PRKDC: variants seen among roughly 807,000 people sequenced by gnomAD.
The protein encoded by PRKDC is protein kinase, DNA-activated, catalytic subunit, also known as DNA-dependent protein kinase catalytic subunit.
PRKDC carries 82 observed loss-of-function variants against 486.9 expected under a neutral mutation model. The ratio of observed to expected loss-of-function variants is 0.17; its 90% CI spans 0.14 to 0.20. The LOEUF (loss-of-function observed/expected upper bound fraction) is 0.20. Ranked by LOEUF, PRKDC falls within the 10% of genes least tolerant of loss-of-function variation. PRKDC has a pLI of 1.00. For synonymous variants in PRKDC, 1,895 were observed against 1,837.0 expected (o/e 1.03, Z -0.81); for missense variants, 4,504 against 5,038.2 (o/e 0.89, Z 3.21).
At chr8:47,914,796 A>G (rs1180447718) in intron 23 of PRKDC, among the ~76,000 whole-genome samples, 1 of 150,858 alleles carries the variant, frequency 6.6e-6, no homozygotes, top group Non-Finnish European at 1.5e-5. Flanking sequence ...GCGAGGGGAA[A>G]AAAAAAAAAA....
At chr8:47,825,061 A>C (rs185940045) in intron 63 of PRKDC, among the ~76,000 whole-genome samples, 197 of 152,284 alleles carry the variant, frequency 1.3e-3, no homozygotes, top group Non-Finnish European at 1.6e-3. Flanking sequence ...AATCAGCAGT[A>C]AAGGTGGGTG....
intron 21 of PRKDC, among the ~76,000 whole-genome samples, chr8:47,924,995 C>A (rs1437239700): frequency 6.6e-6 from 1 of 152,196 alleles, no homozygotes; most frequent in East Asian, 1.9e-4. Flanking sequence ...CCTGCCTGCA[C>A]CCCAACATCC....
Position 47,776,847 on chromosome 8 carries a change from G to A in PRKDC, c.12179C>T (p.Thr4060Ile). The change falls in exon 85 of 86, where the codon ACT (threonine) becomes ATT (isoleucine). Residue 4060 changes from threonine (T) to isoleucine (I), a missense_variant. Transcript: ENST00000314191. Reference sequence around the variant, plus strand: ...TTTCCACATATAAAAATCTTACCAAGTAATGACTGCTGGATTGGCACCTGC... The same window carrying A: ...TTTCCACATATAAAAATCTTACCAAATAATGACTGCTGGATTGGCACCTGC... ...KLAGANPAVI[T>I]CDELLLGHEK... The A allele has an allele frequency of 6.2e-7, 1 of 1,613,700 alleles. No individual in the cohort carries two copies. The highest frequency in any genetic ancestry group is 8.5e-7 in the Non-Finnish European group (1 of 1,179,828).
rs367991116 is a variant in PRKDC at position 47,826,683 on chromosome 8, T to A, written c.8756A>T (p.Asp2919Val). The A allele has an allele frequency of 5.0e-6, 8 of 1,612,830 alleles. No homozygotes were observed. The highest frequency in any genetic ancestry group is 6.8e-6 in the Non-Finnish European group (8 of 1,179,736). Reference protein sequence around the residue: ...RVRGKARLPPDVLRWVELAKL... With the variant: ...RVRGKARLPPVVLRWVELAKL... ...AGCAAGCTCCACCCATCTGAGGACA[T>A]CAGGAGGGAGGCGGGCCTTCCCACG... Residue 2919 changes from aspartate (D) to valine (V), a missense_variant, in exon 63 of 86, where the codon GAT becomes GTT. By Grantham distance (152) the Asp-to-Val change is radical (BLOSUM62 -3). Coordinates refer to ENST00000314191, the MANE Select transcript of PRKDC (RefSeq NM_006904.7).
Position 47,900,520 on chromosome 8 carries a change from G to A in PRKDC, c.3270-53C>T, listed in dbSNP as rs1403146813. On this transcript the variant is annotated intron_variant, in intron 27 of 85. Transcript: ENST00000314191. ...CCTAAGAAAACAATAAAGCAGAAAGGACAAAGAAAAGAAGGAATGGAATTA... is the reference window on the plus strand; with the variant it reads ...CCTAAGAAAACAATAAAGCAGAAAGAACAAAGAAAAGAAGGAATGGAATTA... The A allele has an allele frequency of 1.0e-5, 15 of 1,448,896 alleles. No individual in the cohort carries two copies. The Admixed American group carries it at 1.1e-4, about 10-fold the overall frequency. The allele number at this position is 1,448,896 out of a possible 1,614,324, so 89.8% of individuals were successfully genotyped here. A position where few individuals can be genotyped will look rare whatever the true frequency, so the allele number is the denominator to read the frequency against.
chr8:47,959,190 G>C (rs558184946), intron 1 of PRKDC: 2 of 152,260 alleles, frequency 1.3e-5, no homozygotes, highest in African/African-American at 4.8e-5. Flanking sequence ...ACATAATTAA[G>C]TATTTGAATA....
intron 21 of PRKDC, among the ~76,000 whole-genome samples, chr8:47,926,431 T>TA (rs967210978): frequency 1.3e-5 from 2 of 152,152 alleles, no homozygotes; most frequent in South Asian, 2.1e-4. Context: ...TTTACACAGG[T>TA]AAAACCTCAC....
chr8:47,858,505 C>T lies in PRKDC; in HGVS notation c.6465+11G>A. 6.8e-7 allele frequency: 1 copy of T among 1,463,234 alleles called. No homozygotes were observed. The highest frequency in any genetic ancestry group is 9.2e-7 in the Non-Finnish European group (1 of 1,085,360). 90.6% of individuals were successfully genotyped at this position (1,463,234 alleles called of 1,614,324 possible). On this transcript the variant is annotated intron_variant, in intron 48 of 85. Transcript: ENST00000314191. The stretch of plus-strand genomic sequence containing the variant: ...TCTATTCAAAGAATAAAGAAATAAT[C>T]AATTACTTACCTCTTCTGTATTAAT...
At chr8:47,823,250 C>T (rs1298929803) in intron 64 of PRKDC, among the ~76,000 whole-genome samples, 4 of 151,724 alleles carry the variant, frequency 2.6e-5, no homozygotes, top group African/African-American at 4.8e-5. Context: ...GTGGGAGGAC[C>T]GCCGGAGCCT....
chr8:47,861,385 T>C (rs2088674560), intron 44 of PRKDC, among the ~76,000 whole-genome samples: 2 of 152,248 alleles, frequency 1.3e-5, no homozygotes, highest in Non-Finnish European at 2.9e-5. Context: ...AAACTGGTGC[T>C]AATTTTGTTG....
intron 7 of PRKDC, among the ~76,000 whole-genome samples, chr8:47,951,994 C>A (rs993198652): frequency 7.2e-5 from 11 of 152,194 alleles, no homozygotes; most frequent in African/African-American, 2.7e-4. Context: ...GGAGAAGCTG[C>A]AACCCTTGTG....
chr8:47,948,955 C>G (rs1563819863), intron 7 of PRKDC, among the ~76,000 whole-genome samples: 1 of 152,202 alleles, frequency 6.6e-6, no homozygotes, highest in South Asian at 2.1e-4. Flanking sequence ...TAAAACAATA[C>G]AGATTTATTA....
At chr8:47,790,457 A>C (rs1245022216) in intron 74 of PRKDC, among the ~76,000 whole-genome samples, 1 of 152,208 alleles carries the variant, frequency 6.6e-6, no homozygotes, top group Non-Finnish European at 1.5e-5. Flanking sequence ...GGGAAGAATC[A>C]ATACTGTTAA....
Position 47,857,182 on chromosome 8 carries a change from A to C in PRKDC, c.6583T>G (p.Ser2195Ala), listed in dbSNP as rs375144902. ...MVVEIVATIL[S>A]WTGLATPTGV... ...GTTGGAGTGGCCAAGCCTGTCCATGAAAGAATAGTGGCCACTATCTCAACC... is the reference window on the plus strand; with the variant it reads ...GTTGGAGTGGCCAAGCCTGTCCATGCAAGAATAGTGGCCACTATCTCAACC... Residue 2195 changes from serine to alanine, a missense_variant, in exon 49 of 86, where the codon TCA becomes GCA. Transcript: ENST00000314191. 2.5e-6 allele frequency: 4 copies of C among 1,613,816 alleles called. No individual in the cohort carries two copies. The highest frequency in any genetic ancestry group is 3.4e-6 in the Non-Finnish European group (4 of 1,179,858).
chr8:47,890,144 A>G lies in PRKDC; in HGVS notation c.4071+113T>C, dbSNP rs188079682. 345 of 401,870 alleles carry G rather than the reference A, an allele frequency of 8.6e-4. 3 individuals are homozygous for G. In the East Asian group the frequency reaches 0.019, roughly 22 times the overall value. 24.9% of individuals were successfully genotyped at this position (401,870 alleles called of 1,614,324 possible). On this transcript the variant is annotated intron_variant, in intron 32 of 85. Transcript: ENST00000314191. ...GAGGATGAAATATAATAATAATAAT[A>G]ATAATAATAATAATGATAAATTTTT...
intron 16 of PRKDC, among the ~76,000 whole-genome samples, chr8:47,932,173 T>G (rs2090268902): frequency 6.6e-6 from 1 of 152,142 alleles, no homozygotes; most frequent in Non-Finnish European, 1.5e-5. Context: ...AACCTCCACC[T>G]CCCAGGTTCA....
Position 47,893,131 on chromosome 8 carries a change from T to G in PRKDC, c.3847+8A>C. On this transcript the variant is annotated splice_region_variant and intron_variant, in intron 31 of 85. Coordinates refer to ENST00000314191, the MANE Select transcript of PRKDC (RefSeq NM_006904.7). The stretch of plus-strand genomic sequence containing the variant: ...GACACACACCAGAATAAGGCAAGGG[T>G]GACCTACCTAGGACCTGGAGCGCTC... The G allele has an allele frequency of 6.3e-7, 1 of 1,582,298 alleles. No individual in the cohort carries two copies. Among genetic ancestry groups the G allele is most frequent in the Non-Finnish European group, 8.6e-7 (1 of 1,157,380 alleles).
At chr8:47,921,212 G>A (rs770607751) in intron 21 of PRKDC, among the ~76,000 whole-genome samples, 4 of 151,494 alleles carry the variant, frequency 2.6e-5, no homozygotes, top group Admixed American at 6.6e-5. Context: ...CCAAGATCAC[G>A]CCACTGCGCT....
chr8:47,776,125 CCTATTT>C (rs1326164730), intron 85 of PRKDC, among the ~76,000 whole-genome samples: 1 of 152,138 alleles, frequency 6.6e-6, no homozygotes, highest in Non-Finnish European at 1.5e-5. Flanking sequence ...CTGATTTACT[CCTATTT>C]CTAAGTGTTT....
Sources: allele counts gnomAD v4.1 joint callset (sites outside exome capture counted in the v4.1 genomes callset), GRCh38; gene constraint gnomAD v4.1.1; transcripts MANE v1.5; gene names NCBI Gene and HGNC (gene_info 2026-07-23, HGNC 2026-07-21).